The following MTA3 variants were observed in gnomAD, a reference collection of about 807,000 sequenced individuals.
MTA3 encodes metastasis-associated protein MTA3.
A neutral mutation model predicts 83.5 loss-of-function variants in MTA3; 34 were observed. That is an observed-to-expected ratio of 0.41 (90% CI 0.31 to 0.54). The LOEUF is 0.54. Among genes scored for constraint, MTA3 ranks in the 20% least tolerant of loss-of-function variants. The pLI is 0.33. For missense variants in MTA3, 761 were observed against 726.4 expected, an observed-to-expected ratio of 1.05 and a Z score of -0.55; for synonymous variants, 303 against 252.7, an observed-to-expected ratio of 1.20 and a Z score of -1.89.
intron 5 of MTA3, among the ~76,000 whole-genome samples, chr2:42,641,934 T>C (rs1037078200): frequency 6.6e-6 from 1 of 152,040 alleles, no homozygotes; most frequent in African/African-American, 2.4e-5. Flanking sequence ...CACTGTTCAC[T>C]ATTCAGGTGA....
intron 11 of MTA3, 107 bp from the exon 12 acceptor site, chr2:42,704,087 A>C: frequency 7.9e-7 from 1 of 1,260,336 alleles, no homozygotes; most frequent in Non-Finnish European, 1.1e-6. Context: ...ACATTTTAAA[A>C]TGTTTGTTTA....
chr2:42,581,220 A>T (rs1679585650), intron 3 of MTA3, among the ~76,000 whole-genome samples: 1 of 152,182 alleles, frequency 6.6e-6, no homozygotes, highest in Non-Finnish European at 1.5e-5. Context: ...TCAGCATATC[A>T]AGGCTTCACA....
chr2:42,685,532 G>A (rs1021793193), intron 9 of MTA3, among the ~76,000 whole-genome samples: 2 of 152,156 alleles, frequency 1.3e-5, no homozygotes, highest in South Asian at 2.1e-4. Context: ...GAACCCCACC[G>A]GCAGGGTGCC....
chr2:42,574,156 C>T (rs556237232), intron 2 of MTA3, among the ~76,000 whole-genome samples: 1,444 of 114,882 alleles, frequency 0.013, 22 homozygotes, highest in African/African-American at 0.045. Flanking sequence ...TTTTCTGAGG[C>T]GGAGTTTTGC....
chr2:42,694,717 C>G (rs2104468561), intron 9 of MTA3, among the ~76,000 whole-genome samples: 1 of 152,238 alleles, frequency 6.6e-6, no homozygotes, highest in East Asian at 1.9e-4. Context: ...TTGCAGAGAC[C>G]AGATGACACA....
intron 6 of MTA3, among the ~76,000 whole-genome samples, chr2:42,650,600 C>G (rs553856045): frequency 6.6e-6 from 1 of 151,950 alleles, no homozygotes; most frequent in Non-Finnish European, 1.5e-5. Flanking sequence ...CCACCAAGCC[C>G]GGCTAATTTT....
chr2:42,534,533 G>T (rs1041940335), intron 2 of MTA3, among the ~76,000 whole-genome samples: 2 of 152,078 alleles, frequency 1.3e-5, no homozygotes, highest in African/African-American at 4.8e-5. Flanking sequence ...GGAGGCAGAG[G>T]TTGCAGTGAG....
At chr2:42,538,733 G>A (rs910404283) in intron 2 of MTA3, among the ~76,000 whole-genome samples, 8 of 139,934 alleles carry the variant, frequency 5.7e-5, no homozygotes, top group East Asian at 2.1e-4. Context: ...AAAAGAAAAA[G>A]AAAAGAAAAG....
At position 42,704,791 on chromosome 2, in the gene MTA3, A is replaced by G. The variant is rs1458901495; in HGVS notation, c.1150+473A>G. On this transcript the variant is annotated intron_variant, in intron 12 of 16. Coordinates refer to ENST00000405094, the MANE Select transcript of MTA3 (RefSeq NM_001330442.2). ...GCACCAGTTTGGGAAATGCTCTTCT[A>G]TGATACTTGCTTTTGGCCTCAGGAT... Among the ~76,000 whole-genome samples, 7 of 152,184 alleles carry G rather than the reference A, an allele frequency of 4.6e-5. No individual in the cohort carries two copies. In the East Asian group the frequency reaches 1.3e-3, roughly 29 times the overall value.
chr2:42,496,471 T>TA (rs1674139985), intron 2 of MTA3, among the ~76,000 whole-genome samples: 1 of 152,144 alleles, frequency 6.6e-6, no homozygotes, highest in African/African-American at 2.4e-5. Context: ...TGTTGAGAAG[T>TA]ATTACATCCA....
At chr2:42,609,064 C>G (rs1460468718) in intron 3 of MTA3, among the ~76,000 whole-genome samples, 3 of 132,674 alleles carry the variant, frequency 2.3e-5, no homozygotes, top group African/African-American at 8.7e-5. Context: ...CAGATTCTTG[C>G]TCTTTCACTC....
intron 2 of MTA3, among the ~76,000 whole-genome samples, chr2:42,525,144 G>A (rs1675628596): frequency 6.7e-6 from 1 of 149,290 alleles, no homozygotes; most frequent in African/African-American, 2.5e-5. Context: ...GTTGAGATGT[G>A]GTAGGTACAG....
chr2:42,672,645 CAAAAAAAAAAA>C lies in MTA3; in HGVS notation c.703-9737_703-9727del, dbSNP rs5830734. Among the ~76,000 whole-genome samples, 304 of 51,574 alleles carry C rather than the reference CAAAAAAAAAAA, an allele frequency of 5.9e-3. 3 individuals are homozygous for C. Among genetic ancestry groups the C allele is most frequent in the African/African-American group, 8.0e-3 (90 of 11,320 alleles). The allele number at this position is 51,574 out of a possible 152,430, so 33.8% of individuals were successfully genotyped here. ...GGGTCACAGAGCAAGATTCCATCTC[CAAAAAAAAAAA>C]AAAAAAAAAAAAAAAAAAGTAATCA... On this transcript the variant is annotated intron_variant, in intron 8 of 16. Coordinates refer to ENST00000405094, the MANE Select transcript of MTA3 (RefSeq NM_001330442.2).
chr2:42,637,784 T>A (rs1342843468), intron 4 of MTA3, among the ~76,000 whole-genome samples: 1 of 152,172 alleles, frequency 6.6e-6, no homozygotes, highest in African/African-American at 2.4e-5. Context: ...TTGTACTTCA[T>A]TATAACCTGT....
chr2:42,585,553 C>T (rs1378852366), intron 3 of MTA3, among the ~76,000 whole-genome samples: 1 of 149,388 alleles, frequency 6.7e-6, no homozygotes, highest in Non-Finnish European at 1.5e-5. Context: ...CAGCTCACTG[C>T]AACCTCCGCC....
chr2:42,718,874 A>G, intron 14 of MTA3, 114 bp from the exon 15 acceptor site: 1 of 702,074 alleles, frequency 1.4e-6, no homozygotes, highest in Non-Finnish European at 2.3e-6. Context: ...TTATGCGGGA[A>G]TCTGGTGGCT....
chr2:42,608,031 C>A (rs1683708817), intron 3 of MTA3, among the ~76,000 whole-genome samples: 1 of 152,202 alleles, frequency 6.6e-6, no homozygotes, highest in Non-Finnish European at 1.5e-5. Context: ...TAGTGATCTG[C>A]ATCATGAGAG....
At chr2:42,529,067 A>G (rs1484762607) in intron 2 of MTA3, among the ~76,000 whole-genome samples, 1 of 152,208 alleles carries the variant, frequency 6.6e-6, no homozygotes, top group African/African-American at 2.4e-5. Flanking sequence ...TTTAGGCAGA[A>G]CTTAAAATAT....
At chr2:42,549,233 G>A (rs180983220) in intron 2 of MTA3, among the ~76,000 whole-genome samples, 1 of 130,450 alleles carries the variant, frequency 7.7e-6, no homozygotes, top group Non-Finnish European at 1.6e-5. Flanking sequence ...TATTATATAT[G>A]TATACGTATA....
Sources: allele counts gnomAD v4.1 joint callset (sites outside exome capture counted in the v4.1 genomes callset), GRCh38; gene constraint gnomAD v4.1.1; transcripts MANE v1.5; gene names NCBI Gene and HGNC (gene_info 2026-07-23, HGNC 2026-07-21).